The following ZSCAN25 variants were observed in gnomAD, a reference collection of about 807,000 sequenced individuals.
The protein encoded by ZSCAN25 is zinc finger and SCAN domain containing 25.
Under a neutral mutation model 38.7 loss-of-function variants are expected in ZSCAN25, and 27 were observed. The observed-to-expected ratio is 0.70, with a 90% CI of 0.51 to 0.96. ZSCAN25 has a LOEUF of 0.96. Among genes scored for constraint, ZSCAN25 ranks in the 40% least tolerant of loss-of-function variants. ZSCAN25 has a pLI of 0.00. For missense variants in ZSCAN25, 637 were observed against 705.9 expected, an observed-to-expected ratio of 0.90 and a Z score of 1.11; for synonymous variants, 273 against 277.7, an observed-to-expected ratio of 0.98 and a Z score of 0.17.
the ZSCAN25 span, among the ~76,000 whole-genome samples, chr7:99,644,579 G>A: frequency 6.4e-3 from 967 of 152,180 alleles, 8 homozygotes; most frequent in African/African-American, 0.022. Context: ...TTTTTCCTCC[G>A]CCACGCCCTT....
chr7:99,717,349 A>G, the ZSCAN25 span: 15 of 1,607,812 alleles, frequency 9.3e-6, no homozygotes, highest in Middle Eastern at 1.7e-4. Flanking sequence ...GCATGGAACA[A>G]TAAGTGACAT....
chr7:99,631,444 T>A lies in ZSCAN25; in HGVS notation c.*1424T>A, dbSNP rs1032979652. On this transcript the variant is annotated 3_prime_UTR_variant, in exon 8 of 8. Coordinates refer to ENST00000394152, the MANE Select transcript of ZSCAN25 (RefSeq NM_145115.3). ...TTGTGCCATCACTTAAGGGTTTCAT[T>A]TCTGTTTAAAGTTCTGGAAGCTGCA... The A allele has an allele frequency of 2.0e-6, 2 of 985,348 alleles. No individual in the cohort carries two copies. Among genetic ancestry groups the A allele is most frequent in the East Asian group, 2.3e-4 (2 of 8,836 alleles). The allele number at this position is 985,348 out of a possible 1,614,324, so 61.0% of individuals were successfully genotyped here. A position where few individuals can be genotyped will look rare whatever the true frequency, so the allele number is the denominator to read the frequency against.
At chr7:99,715,962 C>T in the ZSCAN25 span, 43 of 1,611,926 alleles carry the variant, frequency 2.7e-5, no homozygotes, top group African/African-American at 4.3e-4. Context: ...CATCCTTCCT[C>T]TATGCGTGCA....
the ZSCAN25 span, among the ~76,000 whole-genome samples, chr7:99,691,690 T>C: frequency 6.6e-6 from 1 of 152,190 alleles, no homozygotes; most frequent in South Asian, 2.1e-4. Flanking sequence ...GTTTAAAGTC[T>C]ATTTTATCAG....
intron 7 of ZSCAN25, among the ~76,000 whole-genome samples, chr7:99,626,063 G>T (rs1807441766): frequency 6.6e-6 from 1 of 152,206 alleles, no homozygotes; most frequent in South Asian, 2.1e-4. Context: ...ATCACTTCCA[G>T]TTGTTCGTCT....
At chr7:99,678,907 C>T in the ZSCAN25 span, among the ~76,000 whole-genome samples, 1 of 152,218 alleles carries the variant, frequency 6.6e-6, no homozygotes, top group East Asian at 1.9e-4. Context: ...AGTAACTCTT[C>T]TCTCCACCTG....
the ZSCAN25 span, among the ~76,000 whole-genome samples, chr7:99,655,625 G>A: frequency 8.5e-5 from 13 of 152,312 alleles, no homozygotes; most frequent in African/African-American, 3.1e-4. Flanking sequence ...GAAAGTCATT[G>A]GTAGCTTGAT....
chr7:99,629,498 A>G lies in ZSCAN25; in HGVS notation c.1113A>G (p.Glu371=), dbSNP rs201463948. ...SNLVRHQRTH[E]EKSYGCVECG... ...TCGTCAGGCACCAGCGAACCCACGA[A>G]GAGAAGTCTTATGGCTGTGTGGAGT... is the stretch of plus-strand genomic sequence containing the variant. The change falls in exon 8 of 8, where the codon GAA becomes GAG. Residue 371 remains glutamate (E), a synonymous_variant. Coordinates refer to ENST00000394152, the MANE Select transcript of ZSCAN25 (RefSeq NM_145115.3). This position sits in a 1 kb window ranked among gnomAD's most constrained non-coding sequence, Gnocchi z 5.6. The G allele has an allele frequency of 6.2e-7, 1 of 1,614,208 alleles. No homozygotes were observed. Among genetic ancestry groups the G allele is most frequent in the African/African-American group, 1.3e-5 (1 of 75,056 alleles).
chr7:99,679,838 A>T, the ZSCAN25 span: 1 of 1,614,146 alleles, frequency 6.2e-7, no homozygotes, highest in Admixed American at 1.7e-5. Context: ...ATAGAGGAGC[A>T]CCAGGCTGAC....
the ZSCAN25 span, among the ~76,000 whole-genome samples, chr7:99,734,510 G>A: frequency 2.3e-4 from 35 of 152,244 alleles, no homozygotes; most frequent in East Asian, 6.6e-3. Context: ...GAATGGGGGA[G>A]ATGCTTATTT....
chr7:99,681,275 T>A, the ZSCAN25 span, among the ~76,000 whole-genome samples: 1 of 152,274 alleles, frequency 6.6e-6, no homozygotes, highest in South Asian at 2.1e-4. Context: ...ATTGGAGTGA[T>A]GTTATCTCTT....
chr7:99,657,208 T>C, the ZSCAN25 span, among the ~76,000 whole-genome samples: 4 of 152,254 alleles, frequency 2.6e-5, no homozygotes, highest in South Asian at 8.3e-4. Context: ...CTGCTTTCTC[T>C]TGTAGGCATT....
the ZSCAN25 span, chr7:99,660,232 T>TC: frequency 1.0e-6 from 1 of 963,266 alleles, no homozygotes. Context: ...TTTTTTTTTT[T>TC]TTTTTTTTTT....
chr7:99,735,058 C>G, the ZSCAN25 span: 2 of 1,614,094 alleles, frequency 1.2e-6, no homozygotes, highest in Non-Finnish European at 1.7e-6. Flanking sequence ...CCAGGAGAAG[C>G]CAGGTTTCCA....
the ZSCAN25 span, among the ~76,000 whole-genome samples, chr7:99,677,739 G>A: frequency 2.0e-5 from 3 of 152,226 alleles, no homozygotes; most frequent in Non-Finnish European, 4.4e-5. Context: ...GCCAAAGCCA[G>A]GGTGGCCTTG....
chr7:99,621,219 A>G (rs1208352515), intron 4 of ZSCAN25, 154 bp from the exon 5 acceptor site: 1 of 569,166 alleles, frequency 1.8e-6, no homozygotes, highest in South Asian at 7.9e-5. Flanking sequence ...CTTCCTCACT[A>G]ATGTCCTGGG....
chr7:99,649,261 A>G, the ZSCAN25 span, among the ~76,000 whole-genome samples: 7 of 152,342 alleles, frequency 4.6e-5, no homozygotes, highest in African/African-American at 1.4e-4. Context: ...GAAGCCATAG[A>G]TAAGATGGCA....
the ZSCAN25 span, among the ~76,000 whole-genome samples, chr7:99,653,346 G>A: frequency 6.6e-6 from 1 of 152,070 alleles, no homozygotes; most frequent in Non-Finnish European, 1.5e-5. This position sits in a 1 kb window ranked among gnomAD's most constrained non-coding sequence, Gnocchi z 4.2. Context: ...AGCTACTCAG[G>A]AGACAGAGGC....
chr7:99,630,786 C>T lies in ZSCAN25; in HGVS notation c.*766C>T. ...TTATTCCTTGCACTATAACAACTGTCAACACACCAACTATTAGGAAGTTAG... is the reference window on the plus strand; with the variant it reads ...TTATTCCTTGCACTATAACAACTGTTAACACACCAACTATTAGGAAGTTAG... On this transcript the variant is annotated 3_prime_UTR_variant, in exon 8 of 8. Transcript: ENST00000394152. 1 of 985,436 alleles carries T rather than the reference C, an allele frequency of 1.0e-6. No individual in the cohort carries two copies. The highest frequency in any genetic ancestry group is 1.1e-4 in the East Asian group (1 of 8,824). 61.0% of individuals were successfully genotyped at this position (985,436 alleles called of 1,614,324 possible).
Sources: gnomAD v4.1 joint callset for allele counts (sites outside exome capture counted in the v4.1 genomes callset) on GRCh38, gnomAD v4.1.1 for gene constraint, Gnocchi (gnomAD v3.1) non-coding constraint, MANE v1.5 for transcripts, NCBI Gene and HGNC (gene_info 2026-07-23, HGNC 2026-07-21) for gene names.